B4GALNT3: variants seen among roughly 807,000 people sequenced by gnomAD.
B4GALNT3 encodes the protein beta-1,4-N-acetyl-galactosaminyltransferase 3.
A neutral mutation model predicts 120.2 loss-of-function variants in B4GALNT3; 86 were observed. The observed-to-expected ratio is 0.72, with a 90% confidence interval of 0.60 to 0.86. The LOEUF (loss-of-function observed/expected upper bound fraction) is 0.86, where lower values mean the gene tolerates loss of function less well. Ranked by LOEUF, B4GALNT3 falls within the 40% of genes least tolerant of loss-of-function variation. The pLI is 0.00. For missense variants in B4GALNT3, 1,167 were observed against 1,298.9 expected (o/e 0.90, Z 1.56); for synonymous variants, 518 against 510.4 (o/e 1.01, Z -0.20).
intron 1 of B4GALNT3, among the ~76,000 whole-genome samples, chr12:479,625 T>C (rs930817679): frequency 2.1e-4 from 32 of 152,262 alleles, no homozygotes; most frequent in African/African-American, 4.1e-4. Context: ...TCTGGAAGAA[T>C]GATACCTGGG....
At chr12:465,245 C>T (rs998319641) in intron 1 of B4GALNT3, among the ~76,000 whole-genome samples, 16 of 152,166 alleles carry the variant, frequency 1.1e-4, no homozygotes, top group Non-Finnish European at 1.9e-4. Context: ...GCTCTTTATG[C>T]TGATATTCCA....
At chr12:530,856 C>A (rs540094378) in intron 1 of B4GALNT3, among the ~76,000 whole-genome samples, 2 of 152,286 alleles carry the variant, frequency 1.3e-5, no homozygotes, top group South Asian at 4.1e-4. Flanking sequence ...AAAGCTCCGG[C>A]TGATGGTGAA....
intron 1 of B4GALNT3, among the ~76,000 whole-genome samples, chr12:469,744 C>G (rs530412216): frequency 3.7e-4 from 57 of 152,230 alleles, no homozygotes; most frequent in African/African-American, 1.2e-3. Flanking sequence ...GCTGCATACC[C>G]CTGTGTACAC....
At chr12:554,217 G>A in intron 14 of B4GALNT3, among the ~76,000 whole-genome samples, 1 of 152,242 alleles carries the variant, frequency 6.6e-6, no homozygotes, top group East Asian at 1.9e-4. Context: ...AAATCCCTGG[G>A]TGCCTGGCCC....
Position 488,893 on chromosome 12 carries a change from G to GA in B4GALNT3, c.169+28360dup, listed in dbSNP as rs55921058. The stretch of plus-strand genomic sequence containing the variant: ...TGTTGTAAACTCTAGGGCTCCACTG[G>GA]AAAAAAAAAAAAGTATAACTGATAT... On this transcript the variant is annotated intron_variant, in intron 1 of 19. Transcript: ENST00000266383. 3.4e-3 allele frequency among the ~76,000 whole-genome samples: 492 copies of GA among 143,786 alleles called. 3 individuals carry two copies. Among genetic ancestry groups the GA allele is most frequent in the African/African-American group, 0.01 (391 of 38,944 alleles). The allele number at this position is 143,786 out of a possible 152,430, so 94.3% of individuals were successfully genotyped here. A position where few individuals can be genotyped will look rare whatever the true frequency, so the allele number is the denominator to read the frequency against.
intron 3 of B4GALNT3, chr12:543,353 G>A (rs1210326722): frequency 3.6e-6 from 2 of 549,618 alleles, no homozygotes; most frequent in African/African-American, 3.9e-5. Context: ...TCCCGGAGCT[G>A]AGGAGCTGGG....
chr12:540,401 T>C (rs1430204876), intron 3 of B4GALNT3: 2 of 152,222 alleles, frequency 1.3e-5, no homozygotes, highest in Non-Finnish European at 2.9e-5. Flanking sequence ...AATTAGGATG[T>C]GCAGGGAACA....
intron 3 of B4GALNT3, among the ~76,000 whole-genome samples, chr12:538,730 C>T (rs1016440301): frequency 1.3e-5 from 2 of 152,052 alleles, no homozygotes; most frequent in African/African-American, 4.8e-5. Flanking sequence ...CTTATTTTAT[C>T]AATGAGGAGA....
At chr12:554,032 C>T (rs1462039735) in intron 14 of B4GALNT3, 49 bp downstream of exon 14, 1 of 1,374,644 alleles carries the variant, frequency 7.3e-7, no homozygotes, top group African/African-American at 1.4e-5. Context: ...ACGTGGCAGC[C>T]AGCTGGCCTG....
At position 553,653 on chromosome 12, in the gene B4GALNT3, G is replaced by A; in HGVS notation, c.1730G>A (p.Arg577Lys). 1 of 1,614,066 alleles carries A rather than the reference G, an allele frequency of 6.2e-7. No homozygotes were observed. Among genetic ancestry groups the A allele is most frequent in the South Asian group, 1.1e-5 (1 of 91,086 alleles). ...SYIAEQRRGD[R>K]MRPQAPGRGW... ...ATCGCAGAGCAGAGACGGGGTGACA[G>A]GATGCGGCCTCAGGCCCCTGGAAGG... is the stretch of plus-strand genomic sequence containing the variant. Residue 577 changes from arginine (R) to lysine (K), a missense_variant, in exon 14 of 20, where the codon AGG becomes AAG. Physicochemically the swap from Arg to Lys is conservative, Grantham distance 26. Coordinates refer to ENST00000266383, the MANE Select transcript of B4GALNT3 (RefSeq NM_173593.4).
At chr12:517,814 T>C (rs1592037041) in intron 1 of B4GALNT3, among the ~76,000 whole-genome samples, 1 of 152,192 alleles carries the variant, frequency 6.6e-6, no homozygotes, top group Non-Finnish European at 1.5e-5. Flanking sequence ...CAGCCATGCA[T>C]TAGCGGCCGT....
chr12:503,944 G>A (rs1046835821), intron 1 of B4GALNT3, among the ~76,000 whole-genome samples: 10 of 152,012 alleles, frequency 6.6e-5, no homozygotes, highest in East Asian at 3.9e-4. Flanking sequence ...GTGAAACCCC[G>A]TCTCTACCAA....
At chr12:473,162 C>G (rs535712532) in intron 1 of B4GALNT3, among the ~76,000 whole-genome samples, 1 of 151,958 alleles carries the variant, frequency 6.6e-6, no homozygotes, top group African/African-American at 2.4e-5. Flanking sequence ...AAAGATGGGC[C>G]TCAGTATGTT....
At chr12:510,329 G>A (rs895656026) in intron 1 of B4GALNT3, among the ~76,000 whole-genome samples, 1 of 152,152 alleles carries the variant, frequency 6.6e-6, no homozygotes, top group Non-Finnish European at 1.5e-5. Context: ...GGAATAAGAA[G>A]ACTATTGTGT....
intron 1 of B4GALNT3, among the ~76,000 whole-genome samples, chr12:512,467 TCCG>T (rs1946594764): frequency 8.0e-6 from 1 of 124,318 alleles, no homozygotes; most frequent in Non-Finnish European, 1.7e-5. Context: ...CCTTCCACCT[TCCG>T]CCCACCTTCC....
intron 1 of B4GALNT3, among the ~76,000 whole-genome samples, chr12:506,490 G>A (rs7309366): frequency 0.37 from 55,651 of 151,790 alleles, 11,721 homozygotes; most frequent in East Asian, 0.58. Flanking sequence ...AAAATTCAAA[G>A]GTATATAATA....
In B4GALNT3 at chr12:489,902, A is replaced by G. The variant is rs1946325549; in HGVS notation, c.169+29357A>G. 2.0e-5 allele frequency among the ~76,000 whole-genome samples: 3 copies of G among 152,266 alleles called. No individual in the cohort carries two copies. The South Asian group carries it at 6.2e-4, about 31-fold the overall frequency. On this transcript the variant is annotated intron_variant, in intron 1 of 19. Transcript: ENST00000266383. ...TTAACAAATACAAAAGAATAGAGTT[A>G]TACAATGTCTGATCTCAGACCACGA...
chr12:512,634 G>GCCTTCCACCTTCCA (rs547585240), intron 1 of B4GALNT3, among the ~76,000 whole-genome samples: 1 of 40,468 alleles, frequency 2.5e-5, no homozygotes, highest in East Asian at 6.6e-4. Context: ...TCCACCTTCC[G>GCCTTCCACCTTCCA]CCTTCCACCT....
At chr12:552,672 A>G in intron 13 of B4GALNT3, 144 bp downstream of exon 13, 2 of 706,114 alleles carry the variant, frequency 2.8e-6, no homozygotes, top group Admixed American at 5.7e-5. Flanking sequence ...CACCCAAGGG[A>G]GTGGAGAGCA....
Sources: allele counts gnomAD v4.1 joint callset (sites outside exome capture counted in the v4.1 genomes callset), GRCh38; gene constraint gnomAD v4.1.1; transcripts MANE v1.5; gene names NCBI Gene and HGNC (gene_info 2026-07-23, HGNC 2026-07-21).